The following AP2B1 variants were observed in gnomAD, a reference collection of about 807,000 sequenced individuals.
AP2B1 encodes the protein AP-2 complex subunit beta.
Under a neutral mutation model 102.0 loss-of-function variants are expected in AP2B1, and 23 were observed. That is an observed-to-expected ratio of 0.23 (90% CI 0.16 to 0.32). The LOEUF (loss-of-function observed/expected upper bound fraction) is 0.32. AP2B1 is among the 10% of genes least tolerant of loss of function. The pLI, the probability that AP2B1 is intolerant of heterozygous loss-of-function variation, is 1.00. For missense variants in AP2B1, 541 were observed against 1,157.4 expected (o/e 0.47, Z 7.73); for synonymous variants, 381 against 421.2 (o/e 0.90, Z 1.17).
At chr17:35,698,811 G>C (rs1019271644) in intron 18 of AP2B1, among the ~76,000 whole-genome samples, 7 of 152,192 alleles carry the variant, frequency 4.6e-5, no homozygotes, top group African/African-American at 1.7e-4. Context: ...AATTTGATTT[G>C]AGTAGTTCTG....
chr17:35,591,107 A>G (rs1268803042), intron 1 of AP2B1, among the ~76,000 whole-genome samples: 2 of 150,918 alleles, frequency 1.3e-5, no homozygotes, highest in Non-Finnish European at 3.0e-5. Flanking sequence ...CTGGGAGGCA[A>G]AGGTTGGAGT....
chr17:35,649,762 C>T (rs2142818227), intron 12 of AP2B1, among the ~76,000 whole-genome samples: 1 of 152,124 alleles, frequency 6.6e-6, no homozygotes, highest in Non-Finnish European at 1.5e-5. Flanking sequence ...GTTGAGTTAA[C>T]ACATTTGTTT....
chr17:35,714,663 T>A (rs2076516525), intron 20 of AP2B1, among the ~76,000 whole-genome samples: 1 of 151,992 alleles, frequency 6.6e-6, no homozygotes, highest in Non-Finnish European at 1.5e-5. Flanking sequence ...TGAGCCATGA[T>A]CACGCCACTG....
At chr17:35,626,595 T>C (rs780582922) in intron 6 of AP2B1, 26 bp from the exon 7 acceptor site, 4 of 1,521,200 alleles carry the variant, frequency 2.6e-6, no homozygotes, top group Non-Finnish European at 3.6e-6. Context: ...TAATTCATGA[T>C]ATTAATTTTC....
intron 13 of AP2B1, among the ~76,000 whole-genome samples, chr17:35,656,268 T>TAGGGGGCCAGGGGGCC (rs11272639): frequency 0.62 from 94,464 of 151,888 alleles, 29,434 homozygotes; most frequent in Non-Finnish European, 0.65. Flanking sequence ...TTGTGAACCA[T>TAGGGGGCCAGGGGGCC]AGGGGGCCAA....
In AP2B1 at chr17:35,641,939, G is replaced by A; in HGVS notation, c.1500G>A (p.Gln500=). The part of the protein sequence containing the change: ...KLFLKKPSET[Q]ELVQQVLSLA... ...TTCTCAAGAAACCATCAGAAACACA[G>A]GAGCTAGTCCAGCAGGTCTTGAGTT... Residue 500 remains glutamine (Q), a synonymous_variant, in exon 12 of 22, where the codon CAG becomes CAA. Transcript: ENST00000610402. The A allele has an allele frequency of 6.2e-7, 1 of 1,612,594 alleles. No individual in the cohort carries two copies. The highest frequency in any genetic ancestry group is 8.5e-7 in the Non-Finnish European group (1 of 1,178,812).
intron 5 of AP2B1, 27 bp downstream of exon 5, chr17:35,608,414 G>C (rs778346821): frequency 3.7e-6 from 6 of 1,612,482 alleles, no homozygotes; most frequent in Non-Finnish European, 5.1e-6. Context: ...TTTACAAAGA[G>C]AGCAGTATTT....
intron 5 of AP2B1, among the ~76,000 whole-genome samples, chr17:35,617,716 C>T (rs1160895762): frequency 1.3e-5 from 2 of 152,092 alleles, no homozygotes; most frequent in Non-Finnish European, 2.9e-5. Flanking sequence ...TTTAAGATGA[C>T]CTCAAGGCTG....
chr17:35,656,153 G>A (rs905071615), intron 13 of AP2B1, among the ~76,000 whole-genome samples: 10 of 151,936 alleles, frequency 6.6e-5, no homozygotes, highest in Non-Finnish European at 1.3e-4. Flanking sequence ...ACTGCTTTTT[G>A]TTGAAACCAT....
At chr17:35,617,839 A>G (rs1701744182) in intron 5 of AP2B1, among the ~76,000 whole-genome samples, 1 of 152,188 alleles carries the variant, frequency 6.6e-6, no homozygotes, top group Non-Finnish European at 1.5e-5. Flanking sequence ...TTTAGGGGCC[A>G]TGGTCCAAAT....
chr17:35,714,215 G>A (rs952418626), intron 20 of AP2B1, among the ~76,000 whole-genome samples: 1 of 152,076 alleles, frequency 6.6e-6, no homozygotes, highest in Non-Finnish European at 1.5e-5. Context: ...GTTTTGTTGC[G>A]GCTCTCCCCA....
chr17:35,619,891 T>C (rs1181023908), intron 5 of AP2B1, among the ~76,000 whole-genome samples: 2 of 152,106 alleles, frequency 1.3e-5, no homozygotes, highest in Non-Finnish European at 2.9e-5. Flanking sequence ...TTCAAGTGAT[T>C]CTCGTGCCTC....
intron 13 of AP2B1, chr17:35,651,115 G>C (rs1027703464): frequency 8.5e-6 from 2 of 235,496 alleles, no homozygotes; most frequent in Middle Eastern, 1.6e-3. Flanking sequence ...TCTGCAGTAA[G>C]AAGAGACTAG....
At chr17:35,684,807 A>G (rs1455067808) in intron 18 of AP2B1, among the ~76,000 whole-genome samples, 1 of 152,202 alleles carries the variant, frequency 6.6e-6, no homozygotes, top group Non-Finnish European at 1.5e-5. Flanking sequence ...GTCAGCATGC[A>G]CGCAAGAATG....
At chr17:35,650,227 G>A (rs2075053171) in intron 12 of AP2B1, among the ~76,000 whole-genome samples, 1 of 152,126 alleles carries the variant, frequency 6.6e-6, no homozygotes, top group African/African-American at 2.4e-5. Context: ...TGGGATTACA[G>A]GCATGAGCCA....
chr17:35,719,508 T>A (rs114194640), intron 21 of AP2B1, among the ~76,000 whole-genome samples: 4 of 152,238 alleles, frequency 2.6e-5, no homozygotes, highest in African/African-American at 4.8e-5. Context: ...TTAAGATTGT[T>A]TTTTGCACAC....
At chr17:35,600,542 A>G (rs1253327871) in intron 3 of AP2B1, among the ~76,000 whole-genome samples, 1 of 152,210 alleles carries the variant, frequency 6.6e-6, no homozygotes, top group East Asian at 1.9e-4. Context: ...TTTCAAAACA[A>G]CATTCTACAA....
chr17:35,687,478 A>G (rs1037835145), intron 18 of AP2B1, among the ~76,000 whole-genome samples: 2 of 151,916 alleles, frequency 1.3e-5, no homozygotes, highest in Non-Finnish European at 1.5e-5. Context: ...TCATCTACAT[A>G]CTTTTCATGT....
At chr17:35,698,709 C>T (rs2076186048) in intron 18 of AP2B1, among the ~76,000 whole-genome samples, 1 of 152,126 alleles carries the variant, frequency 6.6e-6, no homozygotes, top group African/African-American at 2.4e-5. Flanking sequence ...ACCTACTCAC[C>T]CTTTTTCCAA....
Sources: gnomAD v4.1 joint callset for allele counts (sites outside exome capture counted in the v4.1 genomes callset) on GRCh38, gnomAD v4.1.1 for gene constraint, MANE v1.5 for transcripts, NCBI Gene and HGNC (gene_info 2026-07-23, HGNC 2026-07-21) for gene names.